Variants in LAMA3 observed in about 807,000 individuals in gnomAD.
LAMA3 encodes laminin subunit alpha-3.
In LAMA3, 281 loss-of-function variants were observed where a neutral mutation model predicts 402.0. The observed-to-expected ratio is 0.70, with a 90% CI of 0.63 to 0.77. The LOEUF (loss-of-function observed/expected upper bound fraction) is 0.77, where lower values mean the gene tolerates loss of function less well. Ranked by LOEUF, LAMA3 falls within the 30% of genes least tolerant of loss-of-function variation. The pLI, the probability that LAMA3 is intolerant of heterozygous loss-of-function variation, is 0.00. For missense variants in LAMA3, 3,840 were observed against 4,215.5 expected, an observed-to-expected ratio of 0.91 and a Z score of 2.47; for synonymous variants, 1,431 against 1,558.4, an observed-to-expected ratio of 0.92 and a Z score of 1.93.
rs151025063 is a variant in LAMA3 at position 23,749,192 on chromosome 18, G to A, written c.566-236G>A. On this transcript the variant is annotated intron_variant, in intron 3 of 74. Coordinates refer to ENST00000313654, the MANE Select transcript of LAMA3 (RefSeq NM_198129.4). ...AAGATAAACTTGCCTAAGTATGAGC[G>A]TGGAGTTAGCACTGCATCTCCAAGC... 9.7e-4 allele frequency among the ~76,000 whole-genome samples: 147 copies of A among 152,314 alleles called. 1 individual carries two copies. The highest frequency in any genetic ancestry group is 1.8e-3 in the Non-Finnish European group (124 of 68,024).
intron 12 of LAMA3, among the ~76,000 whole-genome samples, chr18:23,790,260 T>C (rs991919553): frequency 6.6e-5 from 10 of 152,160 alleles, no homozygotes; most frequent in Admixed American, 2.0e-4. Flanking sequence ...CATTAGTGGA[T>C]AGAGAAATCA....
intron 12 of LAMA3, among the ~76,000 whole-genome samples, chr18:23,805,936 G>C (rs1365429633): frequency 6.6e-6 from 1 of 152,160 alleles, no homozygotes; most frequent in African/African-American, 2.4e-5. Flanking sequence ...CTCAGGTCTG[G>C]TAATTGATTG....
intron 60 of LAMA3, among the ~76,000 whole-genome samples, chr18:23,920,461 C>T (rs2081792690): frequency 6.6e-6 from 1 of 151,926 alleles, no homozygotes; most frequent in Admixed American, 6.6e-5. Context: ...TGTGTAGGAT[C>T]CCCGAGGAAC....
intron 1 of LAMA3, among the ~76,000 whole-genome samples, chr18:23,700,492 G>C (rs1367373294): frequency 6.6e-6 from 1 of 152,110 alleles, no homozygotes; most frequent in Non-Finnish European, 1.5e-5. Flanking sequence ...TCATAATTAA[G>C]AGTATGGGCT....
intron 12 of LAMA3, among the ~76,000 whole-genome samples, chr18:23,789,947 G>T (rs200739270): frequency 2.0e-5 from 3 of 152,084 alleles, no homozygotes; most frequent in African/African-American, 7.2e-5. Flanking sequence ...TAAATTTGAC[G>T]CTCATCTCTC....
At chr18:23,944,857 A>G (rs2082649885) in intron 69 of LAMA3, among the ~76,000 whole-genome samples, 2 of 152,340 alleles carry the variant, frequency 1.3e-5, no homozygotes, top group East Asian at 1.9e-4. Flanking sequence ...ACTCTTGGCC[A>G]GGCGCGGTGG....
intron 7 of LAMA3, among the ~76,000 whole-genome samples, chr18:23,759,735 C>CTGA (rs1944298433): frequency 6.6e-6 from 1 of 152,172 alleles, no homozygotes; most frequent in Non-Finnish European, 1.5e-5. Context: ...GGAGATAAGA[C>CTGA]TGATGATCTC....
At position 23,777,185 on chromosome 18, in the gene LAMA3, T is replaced by C. The variant is rs558353760; in HGVS notation, c.1406-372T>C. Reference sequence around the variant, plus strand: ...GAGGAAGAAACCTGAAGTAGTTTTATGGCATAAACAAAATGTCAGGAGAAA... The same window carrying C: ...GAGGAAGAAACCTGAAGTAGTTTTACGGCATAAACAAAATGTCAGGAGAAA... On this transcript the variant is annotated intron_variant, in intron 10 of 74. Transcript: ENST00000313654. Among the ~76,000 whole-genome samples the C allele has an allele frequency of 7.9e-5, 12 of 151,944 alleles. No individual in the cohort carries two copies. The South Asian group carries it at 2.5e-3, about 32-fold the overall frequency.
chr18:23,689,813 G>C lies in LAMA3; in HGVS notation c.130G>C (p.Gly44Arg), dbSNP rs2060544462. ...ATARDPGAAA[G>R]LSLHPTYFNL... ...CGCTCGGGATCCCGGGGCCGCGGCCGGGCTCAGCCTTCACCCGACTTACTT... is the reference window on the plus strand; with the variant it reads ...CGCTCGGGATCCCGGGGCCGCGGCCCGGCTCAGCCTTCACCCGACTTACTT... The change falls in exon 1 of 75, where the codon GGG becomes CGG. Residue 44 changes from glycine to arginine, a missense_variant. Around this residue, in one of 3 missense-constraint regions of LAMA3, gnomAD observed 2,109 missense variants for 2,376.0 expected, o/e 0.89. Transcript: ENST00000313654. 1.9e-6 allele frequency: 3 copies of C among 1,539,484 alleles called. No homozygotes were observed. The highest frequency in any genetic ancestry group is 1.2e-5 in the South Asian group (1 of 82,746).
chr18:23,849,070 C>A (rs1284562624), intron 32 of LAMA3, among the ~76,000 whole-genome samples: 1 of 152,208 alleles, frequency 6.6e-6, no homozygotes, highest in Non-Finnish European at 1.5e-5. Context: ...TCTGGTATAA[C>A]CTCATCTTAA....
At chr18:23,781,926 A>G (rs1005232397) in intron 11 of LAMA3, among the ~76,000 whole-genome samples, 3 of 152,228 alleles carry the variant, frequency 2.0e-5, no homozygotes, top group African/African-American at 7.2e-5. Context: ...AAATTAGGCA[A>G]CTGTTTGGTT....
chr18:23,859,528 T>C (rs918034595), intron 34 of LAMA3, among the ~76,000 whole-genome samples: 1 of 152,216 alleles, frequency 6.6e-6, no homozygotes, highest in Non-Finnish European at 1.5e-5. Flanking sequence ...TCTGCTATAA[T>C]GGCTCCCAGA....
At chr18:23,895,508 T>C (rs2080847034) in intron 44 of LAMA3, among the ~76,000 whole-genome samples, 1 of 152,246 alleles carries the variant, frequency 6.6e-6, no homozygotes, top group Non-Finnish European at 1.5e-5. Flanking sequence ...GCTATGTGTT[T>C]CTTCTTGAGT....
At chr18:23,813,165 G>A in intron 14 of LAMA3, 62 bp downstream of exon 14, 2 of 1,114,188 alleles carry the variant, frequency 1.8e-6, no homozygotes, top group East Asian at 2.3e-5. Flanking sequence ...GCATATTAAG[G>A]ACTAACAGTG....
intron 13 of LAMA3, 84 bp downstream of exon 13, chr18:23,810,587 CCA>C: frequency 6.7e-7 from 1 of 1,502,286 alleles, no homozygotes; most frequent in Non-Finnish European, 9.3e-7. Context: ...TGCAAATCCC[CCA>C]CAGACTCACC....
chr18:23,829,354 G>A (rs1000772251), intron 23 of LAMA3, among the ~76,000 whole-genome samples: 5 of 152,112 alleles, frequency 3.3e-5, no homozygotes, highest in Non-Finnish European at 7.4e-5. Flanking sequence ...TATGTGTTTT[G>A]AATTTTGTTT....
At chr18:23,884,744 G>T (rs769260050) in intron 40 of LAMA3, 29 bp from the exon 41 acceptor site, 47 of 1,585,526 alleles carry the variant, frequency 3.0e-5, no homozygotes, top group Non-Finnish European at 3.6e-5. Context: ...CTGTGTTTTT[G>T]ATGGGGCCTT....
At chr18:23,738,239 G>T (rs879354902) in intron 2 of LAMA3, among the ~76,000 whole-genome samples, 2 of 151,838 alleles carry the variant, frequency 1.3e-5, no homozygotes, top group Admixed American at 1.3e-4. Flanking sequence ...TGGAAGGAGA[G>T]GCGTTTTCTT....
Position 23,834,136 on chromosome 18 carries a change from G to A in LAMA3, c.2984+148G>A, listed in dbSNP as rs1109949. The A allele has an allele frequency of 0.53, 450,310 of 847,368 alleles. 129,442 individuals carry two copies. The highest frequency in any genetic ancestry group is 0.62 in the Non-Finnish European group (314,394 of 508,552). 52.5% of individuals were successfully genotyped at this position (847,368 alleles called of 1,614,324 possible). On this transcript the variant is annotated intron_variant, in intron 24 of 74. Transcript: ENST00000313654. ...CAGGTGACTAGTTGTGTGGCCCAAC[G>A]TCATCACCAGTGTGGGTATTGGGAG...
Sources: allele counts gnomAD v4.1 joint callset (sites outside exome capture counted in the v4.1 genomes callset), GRCh38; gene constraint gnomAD v4.1.1; regional missense constraint gnomAD v4.1.1; transcripts MANE v1.5; gene names NCBI Gene and HGNC (gene_info 2026-07-23, HGNC 2026-07-21).